UNC13B: variants seen among roughly 807,000 people sequenced by gnomAD.
UNC13B encodes the protein unc-13 homolog B, also known as protein unc-13 homolog B.
A neutral mutation model predicts 211.0 loss-of-function variants in UNC13B; 144 were observed. That is an observed-to-expected ratio of 0.68 (90% confidence interval 0.60 to 0.78). UNC13B has a LOEUF of 0.78. Among genes scored for constraint, UNC13B ranks in the 30% least tolerant of loss-of-function variants. The pLI is 0.00. For missense variants in UNC13B, 1,777 were observed against 2,002.0 expected, an observed-to-expected ratio of 0.89 and a Z score of 2.14; for synonymous variants, 709 against 725.8, an observed-to-expected ratio of 0.98 and a Z score of 0.37.
At chr9:35,386,356 T>C (rs1241058863) in intron 24 of UNC13B, 63 bp downstream of exon 24, 1 of 1,604,558 alleles carries the variant, frequency 6.2e-7, no homozygotes, top group East Asian at 2.2e-5. Flanking sequence ...CAGTTTTCCT[T>C]CATGATGGTG....
At chr9:35,340,961 A>G (rs572780726) in intron 11 of UNC13B, among the ~76,000 whole-genome samples, 35 of 152,284 alleles carry the variant, frequency 2.3e-4, no homozygotes, top group African/African-American at 8.2e-4. Context: ...AGGACATTCA[A>G]TTTCCCAGTG....
At position 35,308,315 on chromosome 9, in the gene UNC13B, CAAG is replaced by C; in HGVS notation, c.8916_8918del (p.Glu2974del). 4 of 399,078 alleles carry C rather than the reference CAAG, an allele frequency of 1.0e-5. No individual in the cohort carries two copies. Among genetic ancestry groups the C allele is most frequent in the African/African-American group, 2.1e-5 (1 of 48,730 alleles). The allele number at this position is 399,078 out of a possible 1,614,324, so 24.7% of individuals were successfully genotyped here. A position where few individuals can be genotyped will look rare whatever the true frequency, so the allele number is the denominator to read the frequency against. On this transcript the variant is annotated inframe_deletion, in exon 9 of 40. Coordinates refer to ENST00000635942, the MANE Select transcript of UNC13B (RefSeq NM_001371189.2). ...TGAGATATTTCACCAGCTAGAAAAA[CAAG>C]AAGAGGAGGCAGTACCTGCCAGTAC...
intron 11 of UNC13B, among the ~76,000 whole-genome samples, chr9:35,342,599 C>T (rs1832073778): frequency 6.6e-6 from 1 of 152,124 alleles, no homozygotes; most frequent in African/African-American, 2.4e-5. Flanking sequence ...ATAGATAACC[C>T]AGCCACCCTC....
intron 11 of UNC13B, chr9:35,361,750 A>G (rs1833427357): frequency 6.6e-6 from 1 of 152,264 alleles, no homozygotes; most frequent in Non-Finnish European, 1.5e-5. Context: ...AGACCAGGGC[A>G]GCTAGTGGAG....
At chr9:35,170,323 G>A (rs142470381) in intron 1 of UNC13B, among the ~76,000 whole-genome samples, 11 of 151,946 alleles carry the variant, frequency 7.2e-5, no homozygotes, top group East Asian at 3.9e-4. Context: ...CCACCACCAC[G>A]CCTAGCTAAT....
intron 11 of UNC13B, 133 bp downstream of exon 11, chr9:35,314,122 A>G (rs1166548542): frequency 4.0e-6 from 3 of 745,508 alleles, no homozygotes; most frequent in African/African-American, 1.7e-5. Context: ...CAATTAAGCC[A>G]GAGCTTTAAG....
chr9:35,227,264 G>A (rs543730876), intron 1 of UNC13B, among the ~76,000 whole-genome samples: 1 of 152,338 alleles, frequency 6.6e-6, no homozygotes, highest in South Asian at 2.1e-4. Flanking sequence ...TTAAGGTGAA[G>A]CTTTCAGTAG....
chr9:35,313,985 A>G lies in UNC13B; in HGVS notation c.9410A>G (p.Gln3137Arg). 6.2e-7 allele frequency: 1 copy of G among 1,613,170 alleles called. No individual in the cohort carries two copies. Residue 3137 changes from glutamine to arginine, a missense_variant, in exon 11 of 40, where the codon CAG (glutamine) becomes CGG (arginine). Coordinates refer to ENST00000635942, the MANE Select transcript of UNC13B (RefSeq NM_001371189.2). ...GTTACCAAGGTTCGACTCCAGCTGCAGGAGGTAGGAAATCTGTTCTAGTAC... is the reference window on the plus strand; with the variant it reads ...GTTACCAAGGTTCGACTCCAGCTGCGGGAGGTAGGAAATCTGTTCTAGTAC... ...RAVTKVRLQL[Q>R]EIPDDGDPSL...
chr9:35,324,752 G>C (rs1177553977), intron 11 of UNC13B, among the ~76,000 whole-genome samples: 1 of 152,158 alleles, frequency 6.6e-6, no homozygotes, highest in Non-Finnish European at 1.5e-5. Flanking sequence ...TTTCTTAAAT[G>C]TTGTTCTTTC....
At chr9:35,216,734 A>G (rs904780364) in intron 1 of UNC13B, among the ~76,000 whole-genome samples, 3 of 152,212 alleles carry the variant, frequency 2.0e-5, no homozygotes, top group Non-Finnish European at 4.4e-5. Flanking sequence ...GAAAACGGAA[A>G]ATAGAAAATA....
Position 35,306,367 on chromosome 9 carries a change from T to C in UNC13B, c.6963T>C (p.Asp2321=), listed in dbSNP as rs1291446300. 7.5e-6 allele frequency: 3 copies of C among 399,006 alleles called. No homozygotes were observed. Among genetic ancestry groups the C allele is most frequent in the Non-Finnish European group, 1.3e-5 (3 of 226,044 alleles). The allele number at this position is 399,006 out of a possible 1,614,324, so 24.7% of individuals were successfully genotyped here. ...ATATTGTACCAGGGACATCAGTGGA[T>C]TTCCAGATGAATGAATTGCAAAAAG... The part of the protein sequence containing the change: ...SSNIVPGTSV[D]FQMNELQKDI... The change falls in exon 9 of 40, where the codon GAT becomes GAC. Residue 2321 remains aspartate (D), a synonymous_variant. Transcript: ENST00000635942.
intron 1 of UNC13B, among the ~76,000 whole-genome samples, chr9:35,192,090 C>A (rs1822690706): frequency 6.6e-6 from 1 of 152,166 alleles, no homozygotes; most frequent in Non-Finnish European, 1.5e-5. Context: ...CCCTTTTGCC[C>A]ACATGTCAGG....
intron 26 of UNC13B, among the ~76,000 whole-genome samples, chr9:35,391,347 T>C (rs573602274): frequency 6.6e-6 from 1 of 152,322 alleles, no homozygotes; most frequent in Admixed American, 6.5e-5. Context: ...TAGCAGCGTT[T>C]CCTGCCATTT....
chr9:35,385,208 C>T (rs1835112982), intron 22 of UNC13B: 2 of 985,454 alleles, frequency 2.0e-6, no homozygotes, highest in Middle Eastern at 5.2e-4. Flanking sequence ...AAGGAACTCA[C>T]TCCAAAAGCA....
intron 8 of UNC13B, among the ~76,000 whole-genome samples, chr9:35,299,812 C>CTTCCTT (rs1411533384): frequency 1.3e-5 from 2 of 152,086 alleles, no homozygotes; most frequent in East Asian, 3.8e-4. Flanking sequence ...TTCCCTGTCT[C>CTTCCTT]TTCCTTTTTC....
At position 35,400,079 on chromosome 9, in the gene UNC13B, T is replaced by TC. The variant is rs1230232096; in HGVS notation, c.12337-215dup. On this transcript the variant is annotated intron_variant, in intron 36 of 39. Transcript: ENST00000635942. ...TTCTGTGCCTGTCCAGAAAGACCCATCCTTCAAACACTGCCGTACCTCCAG... is the reference window on the plus strand; with the variant it reads ...TTCTGTGCCTGTCCAGAAAGACCCATCCCTTCAAACACTGCCGTACCTCCAG... Among the ~76,000 whole-genome samples the TC allele has an allele frequency of 1.3e-5, 2 of 152,128 alleles. 1 individual carries two copies. Among genetic ancestry groups the TC allele is most frequent in the Non-Finnish European group, 2.9e-5 (2 of 68,010 alleles).
intron 6 of UNC13B, among the ~76,000 whole-genome samples, chr9:35,245,348 T>C (rs940977600): frequency 6.6e-6 from 1 of 152,004 alleles, no homozygotes; most frequent in African/African-American, 2.4e-5. Flanking sequence ...TTTTTTTTTT[T>C]TAATTTTATT....
chr9:35,376,307 C>T lies in UNC13B; in HGVS notation c.9835+60C>T. 4 of 1,552,852 alleles carry T rather than the reference C, an allele frequency of 2.6e-6. No individual in the cohort carries two copies. In the South Asian group the frequency reaches 4.5e-5, roughly 17 times the overall value. ...GGCAGCAGGGGCTTTCCAAAATAGT[C>T]TGCAGCAAAGAGCTGGGATGGCTGA... On this transcript the variant is annotated intron_variant, in intron 15 of 39. Transcript: ENST00000635942.
rs560079330 is a variant in UNC13B, at chr9:35,328,198, A to T, written c.9414+14209A>T. ...AACATGCCCAGCTAATTTTTTTTGT[A>T]TTTTTAGTAGAGATGGGGTTTGACC... On this transcript the variant is annotated intron_variant, in intron 11 of 39. Coordinates refer to ENST00000635942, the MANE Select transcript of UNC13B (RefSeq NM_001371189.2). 1.3e-4 allele frequency among the ~76,000 whole-genome samples: 20 copies of T among 151,870 alleles called. No individual in the cohort carries two copies. The South Asian group carries it at 3.7e-3, about 28-fold the overall frequency.
Sources: gnomAD v4.1 joint callset for allele counts (sites outside exome capture counted in the v4.1 genomes callset) on GRCh38, gnomAD v4.1.1 for gene constraint, MANE v1.5 for transcripts, NCBI Gene and HGNC (gene_info 2026-07-23, HGNC 2026-07-21) for gene names.